The following WIPF1 variants were observed in gnomAD, a reference collection of about 807,000 sequenced individuals.
The protein encoded by WIPF1 is WAS/WASL interacting protein family member 1, also known as WAS/WASL-interacting protein family member 1.
Under a neutral mutation model 35.4 loss-of-function variants are expected in WIPF1, and 13 were observed. The observed-to-expected ratio is 0.37, with a 90% confidence interval of 0.24 to 0.58. The LOEUF is 0.58. Ranked by LOEUF, WIPF1 falls within the 20% of genes least tolerant of loss-of-function variation. WIPF1 has a pLI of 0.74. For missense variants in WIPF1, 591 were observed against 667.0 expected, an observed-to-expected ratio of 0.89 and a Z score of 1.25; for synonymous variants, 267 against 266.3, an observed-to-expected ratio of 1.00 and a Z score of -0.02.
intron 1 of WIPF1, among the ~76,000 whole-genome samples, chr2:174,654,292 T>C (rs1437958109): frequency 6.6e-6 from 1 of 152,224 alleles, no homozygotes; most frequent in African/African-American, 2.4e-5. Context: ...CAAAGTGTTC[T>C]ACTAAATTTC....
At chr2:174,642,032 T>C (rs1164845530) in intron 1 of WIPF1, among the ~76,000 whole-genome samples, 1 of 152,168 alleles carries the variant, frequency 6.6e-6, no homozygotes, top group East Asian at 1.9e-4. Flanking sequence ...AGATTTACCA[T>C]ACCAACCATA....
At chr2:174,602,140 G>C (rs1686029552), upstream of WIPF1, among the ~76,000 whole-genome samples, 1 of 152,202 alleles carries the variant, frequency 6.6e-6, no homozygotes. Context: ...ATCAGTCTGA[G>C]CTTAATGACA....
chr2:174,595,063 A>AGCCC lies in WIPF1; in HGVS notation c.-39+2537_-39+2538insGGGC, dbSNP rs1319558060. On this transcript the variant is annotated intron_variant, in intron 1 of 7. Transcript: ENST00000679041. ...CCAAGAGTTTGAGACCATCCTGGGC[A>AGCCC]AACATAGTGGGACCCTCATCTCTAC... is the stretch of plus-strand genomic sequence containing the variant. Among the ~76,000 whole-genome samples, 16 of 129,052 alleles carry AGCCC rather than the reference A, an allele frequency of 1.2e-4. 1 individual carries two copies. In the East Asian group the frequency reaches 3.8e-3, roughly 30 times the overall value. 84.7% of individuals were successfully genotyped at this position (129,052 alleles called of 152,430 possible).
chr2:174,609,368 TTTG>T (rs565359068), intron 1 of WIPF1, among the ~76,000 whole-genome samples: 38 of 152,380 alleles, frequency 2.5e-4, no homozygotes, highest in African/African-American at 8.7e-4. Context: ...AATGAAATAC[TTTG>T]TTTTGTTCAG....
chr2:174,620,431 C>T (rs1686640005), intron 1 of WIPF1, among the ~76,000 whole-genome samples: 1 of 152,192 alleles, frequency 6.6e-6, no homozygotes, highest in Non-Finnish European at 1.5e-5. Context: ...AAAGAAACTA[C>T]AGTTGTTCTA....
intron 1 of WIPF1, among the ~76,000 whole-genome samples, chr2:174,641,185 G>T (rs530233892): frequency 2.0e-5 from 3 of 152,334 alleles, no homozygotes; most frequent in Admixed American, 6.5e-5. Flanking sequence ...GGGAACATTG[G>T]ATATCCATGT....
chr2:174,672,763 C>A (rs573812920), intron 1 of WIPF1, among the ~76,000 whole-genome samples: 17 of 152,326 alleles, frequency 1.1e-4, no homozygotes, highest in African/African-American at 4.1e-4. Context: ...ATTCTCTACT[C>A]TACTTCTGCA....
In WIPF1 at chr2:174,562,580, C is replaced by A. The variant is rs774091021; in HGVS notation, c.1479G>T (p.Arg493Ser). The A allele has an allele frequency of 5.0e-6, 8 of 1,614,002 alleles. No individual in the cohort carries two copies. In the Admixed American group the frequency reaches 1.2e-4, roughly 24 times the overall value. The part of the protein sequence containing the change: ...ESRSGSNRRE[R>S]GAPPLPPIPR ...GGATGGGAGGGAGTGGTGGAGCACCCCTTTCTCTTCGGTTGGATCCACCTT... is the reference window on the plus strand; with the variant it reads ...GGATGGGAGGGAGTGGTGGAGCACCACTTTCTCTTCGGTTGGATCCACCTT... The change falls in exon 8 of 8, where the codon AGG (arginine) becomes AGT (serine). Residue 493 changes from arginine to serine, a missense_variant. Physicochemically the swap from Arg to Ser is moderately radical, Grantham distance 110 (BLOSUM62 -1). This residue lies in a region of WIPF1 where 117 missense variants were observed against 149.6 expected (regional missense o/e 0.78). Transcript: ENST00000679041.
chr2:174,624,887 G>GC (rs1173647280), intron 1 of WIPF1, among the ~76,000 whole-genome samples: 1 of 152,114 alleles, frequency 6.6e-6, no homozygotes, highest in African/African-American at 2.4e-5. Context: ...GCTCCCAAGG[G>GC]CCCCCATGGA....
chr2:174,642,312 C>A, intron 1 of WIPF1, among the ~76,000 whole-genome samples: 1 of 147,516 alleles, frequency 6.8e-6, no homozygotes. Context: ...TAATTTTCTT[C>A]TGCTTTATCT....
intron 1 of WIPF1, among the ~76,000 whole-genome samples, chr2:174,653,741 C>CAAAAAAAAA (rs1175251483): frequency 3.5e-5 from 2 of 57,894 alleles, no homozygotes; most frequent in African/African-American, 5.6e-5. Flanking sequence ...GCCTCTGTCT[C>CAAAAAAAAA]AAAAAAAAAA....
upstream of WIPF1, among the ~76,000 whole-genome samples, chr2:174,602,319 A>G (rs1331789960): frequency 1.3e-5 from 2 of 152,238 alleles, no homozygotes; most frequent in Non-Finnish European, 2.9e-5. Context: ...CGTGGCCCCC[A>G]GTCAACATGG....
At chr2:174,657,291 G>C (rs1250986784) in intron 1 of WIPF1, among the ~76,000 whole-genome samples, 4 of 152,190 alleles carry the variant, frequency 2.6e-5, no homozygotes, top group Non-Finnish European at 5.9e-5. Context: ...CTAATGCTTT[G>C]AAATTTCTGA....
At chr2:174,680,979 T>G (rs138742051) in intron 1 of WIPF1, among the ~76,000 whole-genome samples, 2 of 152,142 alleles carry the variant, frequency 1.3e-5, no homozygotes, top group African/African-American at 4.8e-5. Flanking sequence ...CAGAAAGTGG[T>G]TGAACACATT....
chr2:174,595,109 A>AAAAAAAAAAAAAAAAAATATATAT (rs1553529785), intron 1 of WIPF1, among the ~76,000 whole-genome samples: 1 of 57,738 alleles, frequency 1.7e-5, no homozygotes, highest in African/African-American at 9.0e-5. Context: ...AAAAAAAAAA[A>AAAAAAAAAAAAAAAAAATATATAT]ATATATATAT....
chr2:174,633,192 G>C (rs1023004605), intron 1 of WIPF1, among the ~76,000 whole-genome samples: 4 of 152,054 alleles, frequency 2.6e-5, no homozygotes, highest in Non-Finnish European at 4.4e-5. Flanking sequence ...GTACAACTTG[G>C]TGGTAAAATA....
chr2:174,660,961 G>A (rs1376624096), intron 1 of WIPF1, among the ~76,000 whole-genome samples: 1 of 152,250 alleles, frequency 6.6e-6, no homozygotes, highest in Non-Finnish European at 1.5e-5. Flanking sequence ...CCTGACGGAG[G>A]CTGGAACTGA....
intron 1 of WIPF1, among the ~76,000 whole-genome samples, chr2:174,682,592 C>CCG (rs1688276496): frequency 6.6e-6 from 1 of 151,800 alleles, no homozygotes; most frequent in Non-Finnish European, 1.5e-5. Context: ...CCTCCCGAGG[C>CCG]CGCGCGCCCG....
At chr2:174,613,563 A>G (rs1574836028) in intron 1 of WIPF1, among the ~76,000 whole-genome samples, 1 of 152,228 alleles carries the variant, frequency 6.6e-6, no homozygotes, top group African/African-American at 2.4e-5. Flanking sequence ...GAGATATTTG[A>G]TATTTCTAAA....
Sources: gnomAD v4.1 joint callset for allele counts (sites outside exome capture counted in the v4.1 genomes callset) on GRCh38, gnomAD v4.1.1 for gene constraint, gnomAD v4.1.1 regional missense constraint, MANE v1.5 for transcripts, NCBI Gene and HGNC (gene_info 2026-07-23, HGNC 2026-07-21) for gene names.